ANKRD28: variants seen among roughly 807,000 people sequenced by gnomAD.
ANKRD28 encodes serine/threonine-protein phosphatase 6 regulatory ankyrin repeat subunit A.
ANKRD28 carries 44 observed loss-of-function variants against 126.5 expected under a neutral mutation model. That is an observed-to-expected ratio of 0.35 (90% confidence interval 0.27 to 0.45). ANKRD28 has a LOEUF of 0.45. Among genes scored for constraint, ANKRD28 ranks in the 20% least tolerant of loss-of-function variants. ANKRD28 has a pLI of 1.00. For missense variants in ANKRD28, 1,110 were observed against 1,316.6 expected (o/e 0.84, Z 2.43); for synonymous variants, 442 against 468.5 (o/e 0.94, Z 0.73).
intron 4 of ANKRD28, among the ~76,000 whole-genome samples, chr3:15,740,041 ATATCT>A (rs2125185672): frequency 6.6e-6 from 1 of 152,338 alleles, no homozygotes; most frequent in East Asian, 1.9e-4. Context: ...AACAAACAGT[ATATCT>A]GTACTATTAC....
At chr3:15,822,539 T>C (rs1468255901) in intron 1 of ANKRD28, among the ~76,000 whole-genome samples, 1 of 152,144 alleles carries the variant, frequency 6.6e-6, no homozygotes, top group African/African-American at 2.4e-5. Context: ...AACAAAAACA[T>C]CTGAGGCATG....
chr3:15,690,134 G>A lies in ANKRD28; in HGVS notation c.1848C>T (p.Pro616=). 1 of 1,610,204 alleles carries A rather than the reference G, an allele frequency of 6.2e-7. No individual in the cohort carries two copies. Among genetic ancestry groups the A allele is most frequent in the Non-Finnish European group, 8.5e-7 (1 of 1,178,178 alleles). Residue 616 remains proline, a synonymous_variant, in exon 18 of 28, where the codon CCC becomes CCT. Transcript: ENST00000683139. ...GGCCCTTAAAAGCTGCAAGATCTAG[G>A]GGTGTTCTTCCACTACTATTTCTGA... ...LDVRNSSGRT[P]LDLAAFKGHV... is the part of the protein sequence containing the mutation.
At chr3:15,769,444 C>CT (rs1255948701) in intron 2 of ANKRD28, among the ~76,000 whole-genome samples, 1 of 151,904 alleles carries the variant, frequency 6.6e-6, no homozygotes, top group Non-Finnish European at 1.5e-5. Context: ...CATTTTAAGG[C>CT]TTTTTTAAAA....
chr3:15,740,236 G>T (rs1366093419), intron 4 of ANKRD28, among the ~76,000 whole-genome samples: 1 of 152,198 alleles, frequency 6.6e-6, no homozygotes, highest in Non-Finnish European at 1.5e-5. Context: ...AGGGAAGACT[G>T]AAAACGGACA....
intron 1 of ANKRD28, among the ~76,000 whole-genome samples, chr3:15,834,551 C>T (rs2061280621): frequency 6.6e-6 from 1 of 151,922 alleles, no homozygotes; most frequent in African/African-American, 2.4e-5. Flanking sequence ...AAAAAGAGCT[C>T]CTGAAGAAGT....
chr3:15,821,039 G>GT (rs2060931779), intron 1 of ANKRD28, among the ~76,000 whole-genome samples: 1 of 152,084 alleles, frequency 6.6e-6, no homozygotes, highest in Non-Finnish European at 1.5e-5. Flanking sequence ...TTGTCATGGG[G>GT]TCCACTCCTA....
chr3:15,748,640 G>A (rs2057643514), intron 4 of ANKRD28, among the ~76,000 whole-genome samples: 1 of 152,114 alleles, frequency 6.6e-6, no homozygotes, highest in Admixed American at 6.5e-5. Context: ...CCTGCATCTT[G>A]ACTTTAGATA....
chr3:15,789,791 T>C (rs1272895933), intron 2 of ANKRD28, among the ~76,000 whole-genome samples: 2 of 152,006 alleles, frequency 1.3e-5, no homozygotes, highest in East Asian at 3.8e-4. Flanking sequence ...GAATATATAA[T>C]TTTTTAAAAT....
intron 1 of ANKRD28, among the ~76,000 whole-genome samples, chr3:15,856,533 A>G (rs2061771680): frequency 6.6e-6 from 1 of 152,250 alleles, no homozygotes; most frequent in African/African-American, 2.4e-5. Flanking sequence ...ATTTATTCAA[A>G]CTAAAGTGAA....
At chr3:15,766,961 A>C (rs1341438620) in intron 2 of ANKRD28, among the ~76,000 whole-genome samples, 1 of 152,202 alleles carries the variant, frequency 6.6e-6, no homozygotes, top group African/African-American at 2.4e-5. Context: ...TGCTTATCAA[A>C]ATGTTTTCAC....
At chr3:15,775,029 A>C (rs151295546) in intron 2 of ANKRD28, among the ~76,000 whole-genome samples, 1,867 of 116,088 alleles carry the variant, frequency 0.016, 37 homozygotes, top group African/African-American at 0.061. Context: ...GGTGCCCACC[A>C]CCACGCCTGG....
chr3:15,720,839 C>T (rs544060241), intron 8 of ANKRD28, 76 bp downstream of exon 8: 4 of 1,265,068 alleles, frequency 3.2e-6, no homozygotes, highest in South Asian at 2.8e-5. Flanking sequence ...CTTTTTATTG[C>T]TCAATGGTAT....
At chr3:15,702,324 T>C (rs994751405) in intron 14 of ANKRD28, among the ~76,000 whole-genome samples, 1 of 152,170 alleles carries the variant, frequency 6.6e-6, no homozygotes, top group Non-Finnish European at 1.5e-5. Context: ...AATTGCTTGA[T>C]CTTGAAAATG....
rs564654804 is a variant in ANKRD28, at chr3:15,859,580, CCCG to C, written c.-180_-178del. 1,468 of 223,568 alleles carry C rather than the reference CCCG, an allele frequency of 6.6e-3. 1 individual carries two copies. The highest frequency in any genetic ancestry group is 7.5e-3 in the Non-Finnish European group (1,000 of 133,764). The allele number at this position is 223,568 out of a possible 1,614,324, so 13.8% of individuals were successfully genotyped here. A position where few individuals can be genotyped will look rare whatever the true frequency, so the allele number is the denominator to read the frequency against. ...GGGGGCGGCGCCGCCTCCCCGGCCG[CCCG>C]CCGCCGCCGCCGCCGCCGCCGCCGC... On this transcript the variant is annotated 5_prime_UTR_variant, in exon 1 of 28. Coordinates refer to the ANKRD28 transcript ENST00000399451.
intron 3 of ANKRD28, among the ~76,000 whole-genome samples, chr3:15,753,883 G>C (rs368381874): frequency 5.3e-5 from 8 of 152,138 alleles, no homozygotes; most frequent in African/African-American, 1.7e-4. Context: ...GGAAGAGGTT[G>C]CAGTGAGCCG....
In ANKRD28 at chr3:15,793,568, A is replaced by G. The variant is rs73149406; in HGVS notation, c.201+1655T>C. 3.9e-3 allele frequency among the ~76,000 whole-genome samples: 599 copies of G among 152,312 alleles called. 8 individuals carry two copies. The highest frequency in any genetic ancestry group is 0.013 in the African/African-American group (551 of 41,560). ...ATGATGGAGAAATTAGCCCTGGTAA[A>G]TGGAATTATAGTTCAAACTTTCTAA... On this transcript the variant is annotated intron_variant, in intron 2 of 27. Transcript: ENST00000683139.
At chr3:15,727,825 T>A (rs2074291426) in intron 6 of ANKRD28, among the ~76,000 whole-genome samples, 1 of 152,204 alleles carries the variant, frequency 6.6e-6, no homozygotes, top group Non-Finnish European at 1.5e-5. Flanking sequence ...GATGAGGGGT[T>A]GCTTCTTATG....
At chr3:15,728,208 AAG>A (rs1211875817) in intron 6 of ANKRD28, among the ~76,000 whole-genome samples, 1 of 152,138 alleles carries the variant, frequency 6.6e-6, no homozygotes, top group Non-Finnish European at 1.5e-5. Flanking sequence ...ATTAATAAAA[AAG>A]AAAAAACAAA....
At chr3:15,674,443 T>C (rs1235820610) in intron 27 of ANKRD28, among the ~76,000 whole-genome samples, 1 of 152,034 alleles carries the variant, frequency 6.6e-6, no homozygotes, top group Admixed American at 6.6e-5. Context: ...CATGATGCTG[T>C]GGGGAGAGTA....
Sources: allele counts gnomAD v4.1 joint callset (sites outside exome capture counted in the v4.1 genomes callset), GRCh38; gene constraint gnomAD v4.1.1; transcripts MANE v1.5; gene names NCBI Gene and HGNC (gene_info 2026-07-23, HGNC 2026-07-21).